The following NEGR1 variants were observed in gnomAD, a reference collection of about 807,000 sequenced individuals.
The protein encoded by NEGR1 is IgLON family member 4.
A neutral mutation model predicts 40.9 loss-of-function variants in NEGR1; 10 were observed. That is an observed-to-expected ratio of 0.24 (90% confidence interval 0.15 to 0.42). NEGR1 has a LOEUF of 0.42. NEGR1 is among the 10% of genes least tolerant of loss of function. NEGR1 has a pLI of 1.00. For synonymous variants in NEGR1, 185 were observed against 166.8 expected, an observed-to-expected ratio of 1.11 and a Z score of -0.84; for missense variants, 352 against 438.9, an observed-to-expected ratio of 0.80 and a Z score of 1.77.
intron 1 of NEGR1, 50 bp downstream of exon 1, chr1:72,282,269 G>T: frequency 6.2e-7 from 1 of 1,601,862 alleles, no homozygotes; most frequent in Non-Finnish European, 8.5e-7. Context: ...TTCAAAGAGA[G>T]ACAGAAAGAT....
intron 1 of NEGR1, among the ~76,000 whole-genome samples, chr1:72,121,143 G>A (rs768975283): frequency 6.6e-6 from 1 of 151,462 alleles, no homozygotes; most frequent in Non-Finnish European, 1.5e-5. Flanking sequence ...CTATTTTATT[G>A]TGTTACATCT....
At chr1:71,501,475 T>C (rs1041838975) in intron 6 of NEGR1, among the ~76,000 whole-genome samples, 1 of 152,140 alleles carries the variant, frequency 6.6e-6, no homozygotes, top group Non-Finnish European at 1.5e-5. Context: ...TGTCCTGAAT[T>C]GGGAAATGTT....
At chr1:71,661,879 G>T (rs747321496) in intron 4 of NEGR1, among the ~76,000 whole-genome samples, 85 of 152,242 alleles carry the variant, frequency 5.6e-4, no homozygotes, top group Admixed American at 2.0e-3. Flanking sequence ...CAAAAAGATG[G>T]TTTTACAAAC....
chr1:71,411,091 A>T (rs1009072585), intron 6 of NEGR1, among the ~76,000 whole-genome samples: 10 of 152,166 alleles, frequency 6.6e-5, no homozygotes, highest in Admixed American at 6.5e-5. Context: ...CTGAACATAG[A>T]GTTTGGTACT....
intron 1 of NEGR1, among the ~76,000 whole-genome samples, chr1:72,177,113 C>T (rs948459694): frequency 1.3e-5 from 2 of 152,006 alleles, no homozygotes; most frequent in African/African-American, 2.4e-5. Flanking sequence ...TGTCAGAAAT[C>T]GATCTAAGTG....
chr1:71,720,630 G>A (rs760272129), intron 3 of NEGR1, among the ~76,000 whole-genome samples: 4 of 152,148 alleles, frequency 2.6e-5, no homozygotes, highest in Non-Finnish European at 5.9e-5. Context: ...GTGAGCCTAA[G>A]CAAATTACTT....
chr1:71,759,862 G>C (rs1655881753), intron 3 of NEGR1, among the ~76,000 whole-genome samples: 1 of 151,692 alleles, frequency 6.6e-6, no homozygotes, highest in Non-Finnish European at 1.5e-5. Context: ...GCCCACCTCG[G>C]CCTCCCAAAT....
chr1:71,722,291 C>G (rs57583829), intron 3 of NEGR1, among the ~76,000 whole-genome samples: 11,212 of 152,084 alleles, frequency 0.074, 514 homozygotes, highest in East Asian at 0.14. Context: ...CCTCCGTTTC[C>G]TAACCTTAGA....
intron 1 of NEGR1, among the ~76,000 whole-genome samples, chr1:72,263,835 G>A (rs1300388500): frequency 6.6e-6 from 1 of 151,472 alleles, no homozygotes; most frequent in Non-Finnish European, 1.5e-5. Context: ...GAAAAAAGAT[G>A]TTGATGGTAT....
intron 2 of NEGR1, among the ~76,000 whole-genome samples, chr1:71,865,467 C>T (rs180676977): frequency 6.6e-6 from 1 of 152,218 alleles, no homozygotes; most frequent in Non-Finnish European, 1.5e-5. Flanking sequence ...TCATCATTCT[C>T]AGCAAACTAA....
At chr1:71,998,431 C>T (rs1284211675) in intron 1 of NEGR1, among the ~76,000 whole-genome samples, 1 of 151,882 alleles carries the variant, frequency 6.6e-6, no homozygotes, top group East Asian at 1.9e-4. Flanking sequence ...GCATAGACTT[C>T]AAGACCTTTC....
intron 4 of NEGR1, among the ~76,000 whole-genome samples, chr1:71,615,493 A>G (rs1650420398): frequency 6.6e-6 from 1 of 152,256 alleles, no homozygotes; most frequent in Admixed American, 6.5e-5. Context: ...GTAGAAAATT[A>G]TAATAAGAAA....
At position 72,208,642 on chromosome 1, in the gene NEGR1, G is replaced by A. The variant is rs1462598130; in HGVS notation, c.176+73677C>T. On this transcript the variant is annotated intron_variant, in intron 1 of 6. Coordinates refer to ENST00000357731, the MANE Select transcript of NEGR1 (RefSeq NM_173808.3). ...GCACACCTATAAAAACAAGGCTCAC[G>A]TTAGCACTGAGGAAACATTTTTCTC... Among the ~76,000 whole-genome samples, 5 of 151,662 alleles carry A rather than the reference G, an allele frequency of 3.3e-5. No individual in the cohort carries two copies. In the South Asian group the frequency reaches 1.0e-3, roughly 31 times the overall value.
chr1:71,845,550 G>T (rs1659376539), intron 2 of NEGR1, among the ~76,000 whole-genome samples: 1 of 152,076 alleles, frequency 6.6e-6, no homozygotes, highest in African/African-American at 2.4e-5. Flanking sequence ...TATTTATTGA[G>T]CACTGACTAT....
chr1:71,700,034 G>A (rs866169168), intron 3 of NEGR1, among the ~76,000 whole-genome samples: 15 of 151,864 alleles, frequency 9.9e-5, no homozygotes, highest in East Asian at 1.9e-4. Context: ...TCAGCAGTGC[G>A]AAAGCGAACT....
chr1:71,675,119 A>ATATATATATATATATATATATATG lies in NEGR1; in HGVS notation c.667+22888_667+22889insCATATATATATATATATATATATA, dbSNP rs1304074636. Among the ~76,000 whole-genome samples, 46 of 75,062 alleles carry ATATATATATATATATATATATATG rather than the reference A, an allele frequency of 6.1e-4. 1 individual carries two copies. The highest frequency in any genetic ancestry group is 9.1e-4 in the Non-Finnish European group (34 of 37,162). The allele number at this position is 75,062 out of a possible 152,430, so 49.2% of individuals were successfully genotyped here. A position where few individuals can be genotyped will look rare whatever the true frequency, so the allele number is the denominator to read the frequency against. ...ATAAAATGCATGTTTATTCATATAT[A>ATATATATATATATATATATATATG]TATATATACACACACACATATGAAT... On this transcript the variant is annotated intron_variant, in intron 4 of 6. Coordinates refer to ENST00000357731, the MANE Select transcript of NEGR1 (RefSeq NM_173808.3).
At chr1:71,861,945 A>T (rs983064512) in intron 2 of NEGR1, among the ~76,000 whole-genome samples, 4 of 152,130 alleles carry the variant, frequency 2.6e-5, no homozygotes, top group Admixed American at 1.3e-4. Flanking sequence ...CTCTTCAAGG[A>T]CATTATATAC....
chr1:71,863,106 C>G (rs999047729), intron 2 of NEGR1, among the ~76,000 whole-genome samples: 9 of 152,004 alleles, frequency 5.9e-5, no homozygotes, highest in Non-Finnish European at 1.2e-4. Context: ...GCATATATAC[C>G]CAAAGGAATA....
chr1:71,455,523 G>A (rs1038936376), intron 6 of NEGR1, among the ~76,000 whole-genome samples: 4 of 152,136 alleles, frequency 2.6e-5, no homozygotes, highest in Non-Finnish European at 4.4e-5. Context: ...TCAGGAGATC[G>A]AGACCATCCT....
Sources: gnomAD v4.1 joint callset for allele counts (sites outside exome capture counted in the v4.1 genomes callset) on GRCh38, gnomAD v4.1.1 for gene constraint, MANE v1.5 for transcripts, NCBI Gene and HGNC (gene_info 2026-07-23, HGNC 2026-07-21) for gene names.